FAM149B1: variants seen among roughly 807,000 people sequenced by gnomAD.
FAM149B1 encodes family with sequence similarity 149 member B1.
FAM149B1 carries 56 observed loss-of-function variants against 75.3 expected under a neutral mutation model. The observed-to-expected ratio is 0.74, with a 90% CI of 0.60 to 0.93. FAM149B1 has a LOEUF of 0.93. Ranked by LOEUF, FAM149B1 falls within the 40% of genes least tolerant of loss-of-function variation. The pLI is 0.00. For missense variants in FAM149B1, 639 were observed against 708.4 expected (o/e 0.90, Z 1.11); for synonymous variants, 259 against 256.1 (o/e 1.01, Z -0.11).
At chr10:73,202,713 C>A (rs2042968881) in intron 5 of FAM149B1, among the ~76,000 whole-genome samples, 1 of 142,988 alleles carries the variant, frequency 7.0e-6, no homozygotes, top group Non-Finnish European at 1.5e-5. Context: ...TTGTTTGAGA[C>A]AGGGCCTCGC....
At chr10:73,210,159 CA>C in intron 6 of FAM149B1, 91 bp from the exon 7 acceptor site, 1 of 783,482 alleles carries the variant, frequency 1.3e-6, no homozygotes. Context: ...TTCCTCAAAT[CA>C]AAGTGAATTT....
rs773863174 is a variant in FAM149B1, at chr10:73,241,645, A to C, written c.*626A>C. 3 of 152,548 alleles carry C rather than the reference A, an allele frequency of 2.0e-5. No homozygotes were observed. The highest frequency in any genetic ancestry group is 4.4e-5 in the Non-Finnish European group (3 of 68,264). The allele number at this position is 152,548 out of a possible 1,614,324, so 9.4% of individuals were successfully genotyped here. A position where few individuals can be genotyped will look rare whatever the true frequency, so the allele number is the denominator to read the frequency against. Reference sequence around the variant, plus strand: ...CATATTTTTTCAGATAGGACAGCTCAACCTTACGATGCCTACCTGATGCCA... The same window carrying C: ...CATATTTTTTCAGATAGGACAGCTCCACCTTACGATGCCTACCTGATGCCA... On this transcript the variant is annotated 3_prime_UTR_variant, in exon 14 of 14. Transcript: ENST00000242505.
chr10:73,200,062 C>G, intron 5 of FAM149B1: 1 of 175,252 alleles, frequency 5.7e-6, no homozygotes, highest in Non-Finnish European at 1.2e-5. Flanking sequence ...GGCGCAGTGG[C>G]TCATGCCTGT....
At chr10:73,200,579 C>A in intron 5 of FAM149B1, 1 of 740,258 alleles carries the variant, frequency 1.4e-6, no homozygotes, top group Non-Finnish European at 2.2e-6. Flanking sequence ...AATGTTCAGC[C>A]AAGGGTTTAA....
At chr10:73,235,484 C>G in intron 12 of FAM149B1, 166 bp downstream of exon 12, 1 of 1,417,358 alleles carries the variant, frequency 7.1e-7, no homozygotes, top group Non-Finnish European at 9.2e-7. Flanking sequence ...CAAATTCTAA[C>G]TAGTCCCTGA....
At position 73,228,060 on chromosome 10, in the gene FAM149B1, A is replaced by G; in HGVS notation, c.899A>G (p.Asp300Gly). 6.4e-7 allele frequency: 1 copy of G among 1,551,692 alleles called. No individual in the cohort carries two copies. ...TAATATATCCTGTTCCTTTGCCCAG[A>G]TGATGAGAGTAATGTTGCAGTTACC... ...TRSHWEGFAS[D>G]DESNVAVTRP... The change falls in exon 8 of 14, where the codon GAT becomes GGT. Residue 300 changes from aspartate (D) to glycine (G), a missense_variant and splice_region_variant. Transcript: ENST00000242505.
intron 12 of FAM149B1, among the ~76,000 whole-genome samples, chr10:73,238,473 A>G (rs1463199655): frequency 1.3e-5 from 2 of 152,228 alleles, no homozygotes; most frequent in Non-Finnish European, 2.9e-5. Context: ...CACTTGGCCT[A>G]CCGCCTTGTT....
chr10:73,241,075 A>G lies in FAM149B1; in HGVS notation c.*56A>G, dbSNP rs938920547. The G allele has an allele frequency of 7.1e-6, 7 of 986,686 alleles. No homozygotes were observed. The African/African-American group carries it at 1.0e-4, about 14-fold the overall frequency. 61.1% of individuals were successfully genotyped at this position (986,686 alleles called of 1,614,324 possible). On this transcript the variant is annotated 3_prime_UTR_variant, in exon 14 of 14. Transcript: ENST00000242505. The stretch of plus-strand genomic sequence containing the variant: ...GAAACACGAGATTTCATGAAGCAGT[A>G]TTCAGTCATCAAGTGATGCAGAGCT...
intron 3 of FAM149B1, among the ~76,000 whole-genome samples, chr10:73,189,551 A>G (rs1439052702): frequency 6.6e-6 from 1 of 152,204 alleles, no homozygotes; most frequent in Non-Finnish European, 1.5e-5. Flanking sequence ...AAAACAAAAT[A>G]CTTTTCAGCA....
At chr10:73,176,298 G>C (rs1843962573) in intron 2 of FAM149B1, among the ~76,000 whole-genome samples, 1 of 152,160 alleles carries the variant, frequency 6.6e-6, no homozygotes, top group African/African-American at 2.4e-5. Flanking sequence ...TGTAAATACA[G>C]ATGAAGCTTC....
chr10:73,178,024 G>A (rs982647010), intron 3 of FAM149B1, 49 bp downstream of exon 3: 2 of 1,493,806 alleles, frequency 1.3e-6, no homozygotes, highest in African/African-American at 2.8e-5. Context: ...GATGATTCTG[G>A]GAATTAGGAT....
At chr10:73,236,323 A>G (rs2043820347) in intron 12 of FAM149B1, among the ~76,000 whole-genome samples, 1 of 152,090 alleles carries the variant, frequency 6.6e-6, no homozygotes, top group Non-Finnish European at 1.5e-5. Context: ...AGGTCTAGGG[A>G]AGAATCTTTT....
intron 1 of FAM149B1, among the ~76,000 whole-genome samples, chr10:73,171,619 T>A (rs1843720350): frequency 6.7e-6 from 1 of 149,424 alleles, no homozygotes; most frequent in African/African-American, 2.5e-5. Context: ...ATCTTCCTTA[T>A]CCTTTTCTTT....
At chr10:73,230,344 T>G (rs1193996094) in intron 8 of FAM149B1, 78 bp from the exon 9 acceptor site, 9 of 772,660 alleles carry the variant, frequency 1.2e-5, no homozygotes, top group African/African-American at 3.5e-5. Context: ...TTGGAAATAT[T>G]AACTTTTGGC....
chr10:73,204,098 G>A (rs771152622), intron 5 of FAM149B1, among the ~76,000 whole-genome samples: 1 of 151,920 alleles, frequency 6.6e-6, no homozygotes, highest in Non-Finnish European at 1.5e-5. Context: ...TTGTTTAAAA[G>A]TGCCATGGGT....
At chr10:73,191,795 G>A (rs954575302) in intron 3 of FAM149B1, among the ~76,000 whole-genome samples, 5 of 152,028 alleles carry the variant, frequency 3.3e-5, no homozygotes, top group African/African-American at 4.8e-5. Flanking sequence ...ATCTTTGAAC[G>A]GTGGAATTAC....
chr10:73,187,551 G>T (rs1363385076), intron 3 of FAM149B1, among the ~76,000 whole-genome samples: 1 of 151,758 alleles, frequency 6.6e-6, no homozygotes, highest in Non-Finnish European at 1.5e-5. Flanking sequence ...CCAACATGGA[G>T]AAACCCCGTC....
intron 2 of FAM149B1, among the ~76,000 whole-genome samples, chr10:73,176,667 C>G (rs1385272782): frequency 6.6e-6 from 1 of 152,140 alleles, no homozygotes; most frequent in Non-Finnish European, 1.5e-5. Context: ...AGGTGGATCA[C>G]TTGAGCTCAG....
chr10:73,194,844 C>T (rs780027456), intron 5 of FAM149B1, among the ~76,000 whole-genome samples: 3 of 151,588 alleles, frequency 2.0e-5, no homozygotes, highest in South Asian at 2.1e-4. Flanking sequence ...GCACCATGCC[C>T]GGCTAATTTT....
Sources: gnomAD v4.1 joint callset for allele counts (sites outside exome capture counted in the v4.1 genomes callset) on GRCh38, gnomAD v4.1.1 for gene constraint, MANE v1.5 for transcripts, NCBI Gene and HGNC (gene_info 2026-07-23, HGNC 2026-07-21) for gene names.